Variants in KLHL3 observed in about 807,000 individuals in gnomAD.
KLHL3 encodes kelch-like protein 3.
A neutral mutation model predicts 70.5 loss-of-function variants in KLHL3; 19 were observed. The observed-to-expected ratio is 0.27, with a 90% confidence interval of 0.19 to 0.40. The LOEUF is 0.40. Among genes scored for constraint, KLHL3 ranks in the 10% least tolerant of loss-of-function variants. The pLI is 1.00. For synonymous variants in KLHL3, 258 were observed against 290.3 expected (o/e 0.89, Z 1.13); for missense variants, 512 against 771.1 (o/e 0.66, Z 3.98).
At chr5:137,697,194 C>T (rs1392094497) in intron 4 of KLHL3, among the ~76,000 whole-genome samples, 6 of 151,450 alleles carry the variant, frequency 4.0e-5, no homozygotes, top group African/African-American at 1.5e-4. Flanking sequence ...GACAGAGTCT[C>T]GCTCTGTCAT....
chr5:137,677,217 C>T (rs1047586240), intron 6 of KLHL3, among the ~76,000 whole-genome samples: 21 of 152,042 alleles, frequency 1.4e-4, no homozygotes, highest in East Asian at 3.8e-4. Context: ...GAGGCTGAGG[C>T]GGGCGGATTG....
chr5:137,713,153 CAAAAAAAAAAAA>C (rs958291877), intron 2 of KLHL3, among the ~76,000 whole-genome samples: 15 of 38,440 alleles, frequency 3.9e-4, no homozygotes, highest in Non-Finnish European at 6.5e-4. Context: ...GAATAACCAG[CAAAAAAAAAAAA>C]AAAAAAAAAA....
At chr5:137,714,379 T>A (rs1315258708) in intron 2 of KLHL3, among the ~76,000 whole-genome samples, 3 of 152,186 alleles carry the variant, frequency 2.0e-5, no homozygotes, top group African/African-American at 7.2e-5. Context: ...AACTTGTACA[T>A]GAATGTTCAT....
At position 137,627,960 on chromosome 5, in the gene KLHL3, T is replaced by A. The variant is rs1433807653; in HGVS notation, c.1591+337A>T. 8 of 274,718 alleles carry A rather than the reference T, an allele frequency of 2.9e-5. No homozygotes were observed. The East Asian group carries it at 5.8e-4, about 20-fold the overall frequency. The allele number at this position is 274,718 out of a possible 1,614,324, so 17.0% of individuals were successfully genotyped here. On this transcript the variant is annotated intron_variant, in intron 13 of 14. Coordinates refer to ENST00000309755, the MANE Select transcript of KLHL3 (RefSeq NM_017415.3). ...TCTGGCCCTTGTCCACAGAGCCCTG[T>A]CCTTAGCTACCTACTAAAGCTGTTG...
At chr5:137,688,580 C>T (rs1282787477) in intron 5 of KLHL3, among the ~76,000 whole-genome samples, 3 of 152,220 alleles carry the variant, frequency 2.0e-5, no homozygotes, top group Non-Finnish European at 4.4e-5. Flanking sequence ...ACTCTAGCCA[C>T]ATGCACTCCT....
chr5:137,714,766 C>T (rs79001706), intron 2 of KLHL3, among the ~76,000 whole-genome samples: 1,627 of 152,166 alleles, frequency 0.011, 31 homozygotes, highest in African/African-American at 0.033. Flanking sequence ...TAACTTTAAA[C>T]GGGTAAATTG....
chr5:137,653,608 T>C, intron 8 of KLHL3, among the ~76,000 whole-genome samples: 1 of 152,206 alleles, frequency 6.6e-6, no homozygotes, highest in Admixed American at 6.5e-5. Context: ...TAATGTCAAG[T>C]AGTAGCAGGA....
chr5:137,650,563 T>C (rs886769435), intron 8 of KLHL3, among the ~76,000 whole-genome samples: 7 of 152,184 alleles, frequency 4.6e-5, no homozygotes, highest in Non-Finnish European at 8.8e-5. Flanking sequence ...CTCATGCCTG[T>C]AATCCCAGCA....
At chr5:137,711,952 G>C (rs1752799713) in intron 2 of KLHL3, among the ~76,000 whole-genome samples, 1 of 151,256 alleles carries the variant, frequency 6.6e-6, no homozygotes, top group Admixed American at 6.6e-5. Context: ...CCAGGAGTTT[G>C]AGACCAGCCT....
Position 137,735,955 on chromosome 5 carries a change from G to T in KLHL3, c.-309C>A, listed in dbSNP as rs1206860558. 1 of 472,696 alleles carries T rather than the reference G, an allele frequency of 2.1e-6. No homozygotes were observed. Among genetic ancestry groups the T allele is most frequent in the African/African-American group, 2.0e-5 (1 of 51,132 alleles). The allele number at this position is 472,696 out of a possible 1,614,324, so 29.3% of individuals were successfully genotyped here. A position where few individuals can be genotyped will look rare whatever the true frequency, so the allele number is the denominator to read the frequency against. On this transcript the variant is annotated 5_prime_UTR_variant, in exon 1 of 15. Coordinates refer to ENST00000309755, the MANE Select transcript of KLHL3 (RefSeq NM_017415.3). ...AGGCTTGCTGCTCCTTGGTCTCCTA[G>T]GAACGGCGGCAGCTCCAGCGACCCA...
intron 5 of KLHL3, among the ~76,000 whole-genome samples, chr5:137,685,944 C>A (rs1355484040): frequency 6.6e-6 from 1 of 152,198 alleles, no homozygotes; most frequent in East Asian, 1.9e-4. Flanking sequence ...TCTTTCCACC[C>A]ATGTGCTTTT....
chr5:137,633,947 T>C, intron 12 of KLHL3, 90 bp downstream of exon 12: 1 of 1,525,082 alleles, frequency 6.6e-7, no homozygotes, highest in Non-Finnish European at 9.0e-7. Context: ...CCTGCACATG[T>C]ACCCTCTAAA....
chr5:137,682,094 C>T (rs369762774), intron 5 of KLHL3, among the ~76,000 whole-genome samples: 15 of 151,872 alleles, frequency 9.9e-5, no homozygotes, highest in African/African-American at 2.9e-4. Flanking sequence ...CTAGCTAACA[C>T]CATTCTAAGC....
In KLHL3 at chr5:137,634,091, C is replaced by A. The variant is rs1397463910; in HGVS notation, c.1396G>T (p.Ala466Ser). ...GCCACGTATATCCATTCATTGGTCG[C>A]TGGGTTGTACTGCTCCACAGTGCTC... ...CLSTVEQYNPATNEWIYVADM... is the reference protein window; with the variant it reads ...CLSTVEQYNPSTNEWIYVADM... The change falls in exon 12 of 15, where the codon GCG (alanine) becomes TCG (serine). Residue 466 changes from alanine (A) to serine (S), a missense_variant. By Grantham distance (99) the Ala-to-Ser change is moderately conservative. Transcript: ENST00000309755. 6.2e-7 allele frequency: 1 copy of A among 1,614,084 alleles called. No homozygotes were observed. Among genetic ancestry groups the A allele is most frequent in the Admixed American group, 1.7e-5 (1 of 60,010 alleles).
Position 137,639,827 on chromosome 5 carries a change from A to G in KLHL3, c.1021+33T>C, listed in dbSNP as rs1358680967. On this transcript the variant is annotated intron_variant, in intron 9 of 14. Transcript: ENST00000309755. This position sits in a 1 kb window ranked among gnomAD's most constrained non-coding sequence, Gnocchi z 5.0. ...GGCACGGAGTGGGGACCAGCAGGGG[A>G]AAAACAGCTTGCAGAACTGGGAGGC... 6.4e-7 allele frequency: 1 copy of G among 1,551,076 alleles called. No individual in the cohort carries two copies. The highest frequency in any genetic ancestry group is 2.2e-5 in the East Asian group (1 of 44,536).
chr5:137,720,138 A>G (rs1309767224), intron 2 of KLHL3, among the ~76,000 whole-genome samples: 1 of 152,016 alleles, frequency 6.6e-6, no homozygotes, highest in Non-Finnish European at 1.5e-5. Context: ...CGTCTCTACT[A>G]AAAATACAAA....
At chr5:137,711,930 G>C (rs1212617825) in intron 2 of KLHL3, among the ~76,000 whole-genome samples, 1 of 151,602 alleles carries the variant, frequency 6.6e-6, no homozygotes, top group Non-Finnish European at 1.5e-5. Context: ...GAGGAAGGCA[G>C]ATCACTTCAG....
intron 13 of KLHL3, among the ~76,000 whole-genome samples, chr5:137,626,242 G>A (rs1750458898): frequency 1.3e-5 from 2 of 152,212 alleles, no homozygotes; most frequent in African/African-American, 4.8e-5. Context: ...CAGACCTCCT[G>A]TGCCAGGCCT....
intron 2 of KLHL3, among the ~76,000 whole-genome samples, chr5:137,713,034 T>G (rs774954288): frequency 6.6e-6 from 1 of 151,532 alleles, no homozygotes; most frequent in East Asian, 1.9e-4. Flanking sequence ...GTTTTGAACA[T>G]GTTAAGTTTG....
Sources: allele counts gnomAD v4.1 joint callset (sites outside exome capture counted in the v4.1 genomes callset), GRCh38; gene constraint gnomAD v4.1.1; non-coding constraint Gnocchi (gnomAD v3.1); transcripts MANE v1.5; gene names NCBI Gene and HGNC (gene_info 2026-07-23, HGNC 2026-07-21).